Variants in RYR2 observed in about 807,000 individuals in gnomAD.
RYR2 encodes ryanodine receptor 2.
Under a neutral mutation model 601.1 loss-of-function variants are expected in RYR2, and 227 were observed. The observed-to-expected ratio is 0.38, with a 90% CI of 0.34 to 0.42. The LOEUF (loss-of-function observed/expected upper bound fraction) is 0.42, where lower values mean the gene tolerates loss of function less well. RYR2 is among the 10% of genes least tolerant of loss of function. The probability of loss-of-function intolerance (pLI) is 1.00; values close to 1 mark genes in which losing one functional copy is unlikely to be tolerated. For missense variants in RYR2, 4,646 were observed against 6,156.5 expected (o/e 0.75, Z 8.21); for synonymous variants, 2,223 against 2,175.1 (o/e 1.02, Z -0.61).
In RYR2 at chr1:237,633,642, G is replaced by A; in HGVS notation, c.6620G>A (p.Ser2207Asn). 1 of 1,613,922 alleles carries A rather than the reference G, an allele frequency of 6.2e-7. No homozygotes were observed. The highest frequency in any genetic ancestry group is 8.5e-7 in the Non-Finnish European group (1 of 1,179,828). The change falls in exon 43 of 105, where the codon AGT becomes AAT. Residue 2207 changes from serine (S) to asparagine (N), a missense_variant. This residue lies in a region of RYR2 where 137 missense variants were observed against 273.6 expected (regional missense o/e 0.50). Transcript: ENST00000366574. ...TTTCTCTGTTACTTCTGTCGTATAAGTAGGCAGAATCAAAAAGCTATGTTT... is the reference window on the plus strand; with the variant it reads ...TTTCTCTGTTACTTCTGTCGTATAAATAGGCAGAATCAAAAAGCTATGTTT... ...CRFLCYFCRI[S>N]RQNQKAMFDH... is the part of the protein sequence containing the mutation.
intron 4 of RYR2, among the ~76,000 whole-genome samples, chr1:237,359,289 T>C (rs1003632920): frequency 6.6e-6 from 1 of 152,180 alleles, no homozygotes; most frequent in African/African-American, 2.4e-5. Context: ...AAGTAAAAAA[T>C]ACAATGATTG....
intron 3 of RYR2, among the ~76,000 whole-genome samples, chr1:237,337,823 TAG>T (rs1422994013): frequency 2.6e-5 from 4 of 152,184 alleles, no homozygotes; most frequent in African/African-American, 7.2e-5. Flanking sequence ...CTGAAGCCCC[TAG>T]CTATAGTTGC....
chr1:237,466,780 G>C (rs1364411121), intron 16 of RYR2, among the ~76,000 whole-genome samples: 1 of 151,512 alleles, frequency 6.6e-6, no homozygotes, highest in African/African-American at 2.4e-5. Flanking sequence ...ATTTACCATT[G>C]GTTGTGTTAG....
At position 237,333,567 on chromosome 1, in the gene RYR2, G is replaced by A. The variant is rs1207397319; in HGVS notation, c.273+2585G>A. The A allele has an allele frequency of 6.6e-6, 3 of 455,598 alleles. No individual in the cohort carries two copies. In the Admixed American group the frequency reaches 7.1e-5, roughly 11 times the overall value. The allele number at this position is 455,598 out of a possible 1,614,324, so 28.2% of individuals were successfully genotyped here. ...TGCGGCAGCAACTGTTTACCAAGAAGGATAGATATTTTCCACTTAACCATT... is the reference window on the plus strand; with the variant it reads ...TGCGGCAGCAACTGTTTACCAAGAAAGATAGATATTTTCCACTTAACCATT... On this transcript the variant is annotated intron_variant, in intron 3 of 104. Transcript: ENST00000366574.
At chr1:237,428,744 T>C (rs1056466511) in intron 12 of RYR2, among the ~76,000 whole-genome samples, 4 of 104,314 alleles carry the variant, frequency 3.8e-5, no homozygotes, top group Non-Finnish European at 5.5e-5. Context: ...TCTGCACATG[T>C]ATCCTGGAAC....
intron 1 of RYR2, among the ~76,000 whole-genome samples, chr1:237,250,458 C>G (rs1486079523): frequency 6.6e-6 from 1 of 152,146 alleles, no homozygotes; most frequent in Admixed American, 6.5e-5. Flanking sequence ...TATTTTAGAG[C>G]TTAAAGATAG....
Position 237,595,398 on chromosome 1 carries a change from T to C in RYR2, c.4437-100T>C. On this transcript the variant is annotated intron_variant, in intron 33 of 104. Coordinates refer to ENST00000366574, the MANE Select transcript of RYR2 (RefSeq NM_001035.3). ...GCACCTCTCCCATTACAGCATGAGCTTGTTGCTTGCGCAGCATAATTTAGT... is the reference window on the plus strand; with the variant it reads ...GCACCTCTCCCATTACAGCATGAGCCTGTTGCTTGCGCAGCATAATTTAGT... The C allele has an allele frequency of 4.3e-6, 6 of 1,386,410 alleles. No individual in the cohort carries two copies. In the South Asian group the frequency reaches 8.2e-5, roughly 19 times the overall value. 85.9% of individuals were successfully genotyped at this position (1,386,410 alleles called of 1,614,324 possible). A position where few individuals can be genotyped will look rare whatever the true frequency, so the allele number is the denominator to read the frequency against.
chr1:237,732,174 G>C, intron 78 of RYR2, 25 bp downstream of exon 78: 12 of 1,369,416 alleles, frequency 8.8e-6, no homozygotes, highest in African/African-American at 1.4e-5. Flanking sequence ...GTTCCTATGA[G>C]ACATAGGAGG....
chr1:237,284,644 GTATA>G (rs373841991), intron 2 of RYR2, among the ~76,000 whole-genome samples: 1 of 137,386 alleles, frequency 7.3e-6, no homozygotes, highest in African/African-American at 2.8e-5. Flanking sequence ...TATAGTGTGT[GTATA>G]TATATATATA....
At chr1:237,420,621 T>C (rs1375670950) in intron 11 of RYR2, among the ~76,000 whole-genome samples, 1 of 152,180 alleles carries the variant, frequency 6.6e-6, no homozygotes, top group East Asian at 1.9e-4. Context: ...GACTATGCAG[T>C]GGTTTTGCCA....
At chr1:237,136,667 G>A (rs1471414771) in intron 1 of RYR2, among the ~76,000 whole-genome samples, 2 of 152,240 alleles carry the variant, frequency 1.3e-5, no homozygotes, top group South Asian at 2.1e-4. Context: ...ACTACAATGG[G>A]AAAGCAAAGT....
At chr1:237,303,820 T>C (rs1198631310) in intron 2 of RYR2, among the ~76,000 whole-genome samples, 1 of 152,220 alleles carries the variant, frequency 6.6e-6, no homozygotes, top group Admixed American at 6.5e-5. Flanking sequence ...TGCTTTACTT[T>C]ATATAATTAT....
At chr1:237,297,037 TA>T (rs1419828352) in intron 2 of RYR2, among the ~76,000 whole-genome samples, 1 of 152,058 alleles carries the variant, frequency 6.6e-6, no homozygotes, top group Non-Finnish European at 1.5e-5. Flanking sequence ...ACACAAAAAA[TA>T]AAATCACAAT....
At chr1:237,735,575 A>C (rs1018924165) in intron 79 of RYR2, among the ~76,000 whole-genome samples, 5 of 152,086 alleles carry the variant, frequency 3.3e-5, no homozygotes, top group Non-Finnish European at 5.9e-5. Flanking sequence ...TTAAACTCTA[A>C]CCTACAGCAA....
At position 237,180,537 on chromosome 1, in the gene RYR2, G is replaced by T. The variant is rs992668038; in HGVS notation, c.49-89960G>T. 6.7e-6 allele frequency among the ~76,000 whole-genome samples: 1 copy of T among 150,156 alleles called. No individual in the cohort carries two copies. Among genetic ancestry groups the T allele is most frequent in the African/African-American group, 2.5e-5 (1 of 40,788 alleles). On this transcript the variant is annotated intron_variant, in intron 1 of 104. Coordinates refer to ENST00000366574, the MANE Select transcript of RYR2 (RefSeq NM_001035.3). This position sits in a 1 kb window ranked among gnomAD's most constrained non-coding sequence, Gnocchi z 5.3. ...CTTTTTCTGCTTAGTCTTTCTGGTTGGCTCAGATTGAAAAAAACCCAAATA... is the reference window on the plus strand; with the variant it reads ...CTTTTTCTGCTTAGTCTTTCTGGTTTGCTCAGATTGAAAAAAACCCAAATA...
chr1:237,186,234 A>G (rs963260614), intron 1 of RYR2, among the ~76,000 whole-genome samples: 9 of 152,118 alleles, frequency 5.9e-5, no homozygotes, highest in African/African-American at 1.9e-4. Flanking sequence ...CCCAGACATA[A>G]TTACTCCCTG....
chr1:237,770,683 C>T, intron 84 of RYR2, 124 bp from the exon 85 acceptor site: 1 of 583,258 alleles, frequency 1.7e-6, no homozygotes, highest in Non-Finnish European at 3.2e-6. Context: ...GTGGCTATGA[C>T]TTGTGACTGT....
chr1:237,564,438 T>G (rs1671762964), intron 27 of RYR2, among the ~76,000 whole-genome samples: 1 of 152,076 alleles, frequency 6.6e-6, no homozygotes, highest in Admixed American at 6.6e-5. Flanking sequence ...CCCTGATGAT[T>G]TTTGTATTTT....
chr1:237,749,016 T>C (rs1464057370), intron 80 of RYR2, among the ~76,000 whole-genome samples: 1 of 152,180 alleles, frequency 6.6e-6, no homozygotes, highest in African/African-American at 2.4e-5. Flanking sequence ...CTATAACATT[T>C]TATATAAGGG....
Sources: gnomAD v4.1 joint callset for allele counts (sites outside exome capture counted in the v4.1 genomes callset) on GRCh38, gnomAD v4.1.1 for gene constraint, gnomAD v4.1.1 regional missense constraint, Gnocchi (gnomAD v3.1) non-coding constraint, MANE v1.5 for transcripts, NCBI Gene and HGNC (gene_info 2026-07-23, HGNC 2026-07-21) for gene names.